Variants in KCTD21 observed in about 807,000 individuals in gnomAD.
KCTD21 encodes the protein potassium channel tetramerization domain containing 21, also known as BTB/POZ domain-containing protein KCTD21.
In KCTD21, 9 loss-of-function variants were observed where a neutral mutation model predicts 13.2. The observed-to-expected ratio is 0.68, with a 90% confidence interval of 0.41 to 1.19. The LOEUF is 1.19. Ranked by LOEUF, KCTD21 falls within the 50% of genes most tolerant of loss-of-function variation. KCTD21 has a pLI of 0.01. For synonymous variants in KCTD21, 142 were observed against 137.4 expected, an observed-to-expected ratio of 1.03 and a Z score of -0.23; for missense variants, 303 against 336.5, an observed-to-expected ratio of 0.90 and a Z score of 0.78.
At position 78,178,567 on chromosome 11, in the gene KCTD21, C is replaced by CA. The variant is rs1862523606; in HGVS notation, c.-29-3985dup. Among the ~76,000 whole-genome samples, 5 of 152,294 alleles carry CA rather than the reference C, an allele frequency of 3.3e-5. No individual in the cohort carries two copies. The South Asian group carries it at 1.0e-3, about 32-fold the overall frequency. ...TTGCAGTCAGGTAGTAATGAACTAA[C>CA]ACCACTGAGCCTCAGTCCCCTATGT... On this transcript the variant is annotated intron_variant, in intron 1 of 1. Transcript: ENST00000340067.
intron 1 of KCTD21, chr11:78,176,284 G>A (rs1435106491): frequency 6.6e-6 from 1 of 152,282 alleles, no homozygotes; most frequent in East Asian, 1.9e-4. Flanking sequence ...GGCTCCTGGT[G>A]GCCTGTCCTT....
At chr11:78,182,187 T>A (rs1056942523) in intron 1 of KCTD21, among the ~76,000 whole-genome samples, 5 of 152,182 alleles carry the variant, frequency 3.3e-5, no homozygotes, top group Non-Finnish European at 7.3e-5. Flanking sequence ...CTATAGGAAC[T>A]TCTTCTATTT....
Position 78,173,820 on chromosome 11 carries a change from A to G in KCTD21, c.735T>C (p.Ala245=). 2 of 1,614,106 alleles carry G rather than the reference A, an allele frequency of 1.2e-6. No individual in the cohort carries two copies. The highest frequency in any genetic ancestry group is 1.7e-6 in the Non-Finnish European group (2 of 1,180,000). Residue 245 remains alanine, a synonymous_variant, in exon 2 of 2, where the codon GCT becomes GCC. Coordinates refer to ENST00000340067, the MANE Select transcript of KCTD21 (RefSeq NM_001029859.3). ...GFCIDSSHPH[A]LDFMNNKIIR... ...TAATCTTATTGTTCATAAAATCCAG[A>G]GCATGTGGGTGAGAAGAATCGATGC... is the stretch of plus-strand genomic sequence containing the variant.
chr11:78,183,261 T>C (rs1456671776), intron 1 of KCTD21, among the ~76,000 whole-genome samples: 4 of 151,952 alleles, frequency 2.6e-5, no homozygotes, highest in African/African-American at 9.7e-5. Context: ...CCAGGCTGGG[T>C]GCGGTAGTTC....
intron 1 of KCTD21, chr11:78,176,113 AT>A (rs1862445304): frequency 6.6e-6 from 1 of 152,062 alleles, no homozygotes; most frequent in Non-Finnish European, 1.5e-5. Flanking sequence ...TATGTGCCAC[AT>A]TTTCTTAATC....
chr11:78,186,402 A>AAAAAAAAAAAAC (rs71046958), intron 1 of KCTD21, among the ~76,000 whole-genome samples: 2 of 132,012 alleles, frequency 1.5e-5, no homozygotes, highest in Non-Finnish European at 3.4e-5. Flanking sequence ...AAAAAAAAAA[A>AAAAAAAAAAAAC]AAAAAGAAAA....
At chr11:78,187,101 T>C (rs994725660) in intron 1 of KCTD21, 2 of 985,330 alleles carry the variant, frequency 2.0e-6, no homozygotes, top group Non-Finnish European at 2.4e-6. Flanking sequence ...AAGGAGAGTT[T>C]CCACTGCGTA....
intron 1 of KCTD21, among the ~76,000 whole-genome samples, chr11:78,180,432 G>A (rs1253044762): frequency 4.6e-5 from 7 of 152,166 alleles, no homozygotes; most frequent in African/African-American, 1.2e-4. Context: ...AGGCTGAGGC[G>A]GGCAGATCAC....
At chr11:78,179,838 CT>C (rs772504700) in intron 1 of KCTD21, among the ~76,000 whole-genome samples, 9 of 151,856 alleles carry the variant, frequency 5.9e-5, no homozygotes, top group Admixed American at 1.3e-4. Context: ...GAGTCATCAC[CT>C]CTGTACTACT....
At chr11:78,187,105 C>G (rs1453283569) in intron 1 of KCTD21, 1 of 985,314 alleles carries the variant, frequency 1.0e-6, no homozygotes, top group Non-Finnish European at 1.2e-6. Context: ...AGAGTTTCCA[C>G]TGCGTAAGGG....
At chr11:78,187,095 A>T (rs1431174018) in intron 1 of KCTD21, 1 of 985,352 alleles carries the variant, frequency 1.0e-6, no homozygotes, top group African/African-American at 1.7e-5. Context: ...AAATGCAAGG[A>T]GAGTTTCCAC....
At chr11:78,176,501 A>G (rs950811027) in intron 1 of KCTD21, among the ~76,000 whole-genome samples, 1 of 152,152 alleles carries the variant, frequency 6.6e-6, no homozygotes, top group African/African-American at 2.4e-5. Context: ...TTCCAACACT[A>G]TACTTTCCCC....
chr11:78,188,379 C>T, intron 1 of KCTD21, 194 bp downstream of exon 1: 1 of 985,660 alleles, frequency 1.0e-6, no homozygotes, highest in Non-Finnish European at 1.2e-6. Flanking sequence ...CCTCTAAGAG[C>T]TCTGCCCACT....
chr11:78,177,938 A>G (rs1862500992), intron 1 of KCTD21: 1 of 152,100 alleles, frequency 6.6e-6, no homozygotes, highest in African/African-American at 2.4e-5. Context: ...GCAGCAGAGC[A>G]CCTGCTTTCC....
chr11:78,179,981 C>G (rs1862567400), intron 1 of KCTD21, among the ~76,000 whole-genome samples: 1 of 152,148 alleles, frequency 6.6e-6, no homozygotes, highest in Admixed American at 6.5e-5. Context: ...CCCTGGCTAT[C>G]TCAAAATGCA....
Position 78,174,198 on chromosome 11 carries a change from A to G in KCTD21, c.357T>C (p.Arg119=). The change falls in exon 2 of 2, where the codon CGT becomes CGC. Residue 119 remains arginine (R), a synonymous_variant. Coordinates refer to ENST00000340067, the MANE Select transcript of KCTD21 (RefSeq NM_001029859.3). ...NAMLNITLNQ[R]VQTVHFTVRE... is the part of the protein sequence containing the mutation. The stretch of plus-strand genomic sequence containing the variant: ...GCACAGTGAAGTGGACCGTCTGCAC[A>G]CGCTGGTTCAGTGTGATGTTGAGCA... 1 of 1,614,082 alleles carries G rather than the reference A, an allele frequency of 6.2e-7. No individual in the cohort carries two copies. The highest frequency in any genetic ancestry group is 8.5e-7 in the Non-Finnish European group (1 of 1,180,030).
intron 1 of KCTD21, among the ~76,000 whole-genome samples, chr11:78,181,987 A>AT (rs1205373422): frequency 1.3e-5 from 2 of 152,138 alleles, no homozygotes; most frequent in African/African-American, 2.4e-5. Flanking sequence ...TGACAAAACA[A>AT]TTTTTTTTGG....
At chr11:78,175,642 CATG>C (rs1862429899) in intron 1 of KCTD21, among the ~76,000 whole-genome samples, 1 of 152,154 alleles carries the variant, frequency 6.6e-6, no homozygotes, top group African/African-American at 2.4e-5. Flanking sequence ...AATGAATGGC[CATG>C]ATTAGTGTCA....
Position 78,188,578 on chromosome 11 carries a change from G to C in KCTD21, c.-35C>G, listed in dbSNP as rs1862891979. The C allele has an allele frequency of 1.0e-6, 1 of 985,554 alleles. No individual in the cohort carries two copies. 61.1% of individuals were successfully genotyped at this position (985,554 alleles called of 1,614,324 possible). A position where few individuals can be genotyped will look rare whatever the true frequency, so the allele number is the denominator to read the frequency against. ...CCCGGCCGTGCCGCACCCACCTCCT[G>C]CCCTCGCTCTGCAGCCTCTCCCTCC... On this transcript the variant is annotated 5_prime_UTR_variant, in exon 1 of 2. Transcript: ENST00000340067.
Sources: allele counts gnomAD v4.1 joint callset (sites outside exome capture counted in the v4.1 genomes callset), GRCh38; gene constraint gnomAD v4.1.1; transcripts MANE v1.5; gene names NCBI Gene and HGNC (gene_info 2026-07-23, HGNC 2026-07-21).